EVA1C: variants seen among roughly 807,000 people sequenced by gnomAD.
The protein encoded by EVA1C is eva-1 homolog C.
EVA1C carries 25 observed loss-of-function variants against 45.4 expected under a neutral mutation model. The ratio of observed to expected loss-of-function variants is 0.55; its 90% CI spans 0.40 to 0.77. The LOEUF (loss-of-function observed/expected upper bound fraction) is 0.77. EVA1C is among the 30% of genes least tolerant of loss of function. The pLI, the probability that EVA1C is intolerant of heterozygous loss-of-function variation, is 0.00. For missense variants in EVA1C, 479 were observed against 554.8 expected, an observed-to-expected ratio of 0.86 and a Z score of 1.37; for synonymous variants, 190 against 221.2, an observed-to-expected ratio of 0.86 and a Z score of 1.25.
intron 1 of EVA1C, among the ~76,000 whole-genome samples, chr21:32,423,676 G>A (rs1256263204): frequency 2.6e-5 from 4 of 151,874 alleles, no homozygotes; most frequent in Non-Finnish European, 5.9e-5. Flanking sequence ...TCCGACACCT[G>A]TATCATTTGC....
intron 4 of EVA1C, among the ~76,000 whole-genome samples, chr21:32,483,006 C>T (rs1171253584): frequency 6.6e-6 from 1 of 152,266 alleles, no homozygotes; most frequent in African/African-American, 2.4e-5. Context: ...CAGGCGCACA[C>T]CATCATGCCC....
chr21:32,487,044 A>G (rs1025961516), intron 4 of EVA1C, among the ~76,000 whole-genome samples: 30 of 152,348 alleles, frequency 2.0e-4, no homozygotes, highest in Non-Finnish European at 2.9e-4. Flanking sequence ...CAATCAGAAC[A>G]TCTTTTGTTA....
chr21:32,491,722 AAG>A (rs1193676096), intron 4 of EVA1C, among the ~76,000 whole-genome samples: 1 of 151,352 alleles, frequency 6.6e-6, no homozygotes, highest in East Asian at 1.9e-4. Context: ...GTGGAGGGCA[AAG>A]AGAGAACCAT....
intron 7 of EVA1C, among the ~76,000 whole-genome samples, chr21:32,508,304 G>A (rs907470353): frequency 6.6e-6 from 1 of 152,204 alleles, no homozygotes; most frequent in African/African-American, 2.4e-5. Flanking sequence ...TTGGGACAGT[G>A]ACAGATATGT....
Position 32,502,025 on chromosome 21 carries a change from TTTCTTTCTTTCTTTC to T in EVA1C, c.859+533_859+547del, listed in dbSNP as rs1351060363. ...CTTTCTTTCTTTCTTTCTTTCTTTC[TTTCTTTCTTTCTTTC>T]TTTCTTTCTTTCTTCTTTCTTTCTT... On this transcript the variant is annotated intron_variant, in intron 6 of 7. Transcript: ENST00000300255. Among the ~76,000 whole-genome samples, 33 of 139,476 alleles carry T rather than the reference TTTCTTTCTTTCTTTC, an allele frequency of 2.4e-4. 1 individual carries two copies. Among genetic ancestry groups the T allele is most frequent in the African/African-American group, 8.7e-4 (29 of 33,436 alleles). The allele number at this position is 139,476 out of a possible 152,430, so 91.5% of individuals were successfully genotyped here.
intron 4 of EVA1C, among the ~76,000 whole-genome samples, chr21:32,487,183 T>C (rs1363788621): frequency 6.6e-6 from 1 of 152,138 alleles, no homozygotes; most frequent in Non-Finnish European, 1.5e-5. Context: ...TGAATGAATT[T>C]TGGAAAGCCC....
chr21:32,501,577 G>A (rs1237009302), intron 6 of EVA1C, 82 bp downstream of exon 6: 1 of 1,551,868 alleles, frequency 6.4e-7, no homozygotes, highest in South Asian at 1.2e-5. Context: ...GGCACACCTT[G>A]GTTAGAATGG....
chr21:32,425,968 T>G (rs1415044909), intron 1 of EVA1C, among the ~76,000 whole-genome samples: 4 of 152,090 alleles, frequency 2.6e-5, no homozygotes, highest in African/African-American at 4.8e-5. Flanking sequence ...AACACTTTTT[T>G]TTTTTAAATC....
At chr21:32,453,922 C>T (rs989817256) in intron 2 of EVA1C, among the ~76,000 whole-genome samples, 4 of 152,250 alleles carry the variant, frequency 2.6e-5, no homozygotes, top group Admixed American at 2.0e-4. Context: ...GAAGTCATGA[C>T]CAACTTTTTA....
At chr21:32,508,774 T>A (rs1318897082) in intron 7 of EVA1C, among the ~76,000 whole-genome samples, 1 of 152,208 alleles carries the variant, frequency 6.6e-6, no homozygotes, top group South Asian at 2.1e-4. Flanking sequence ...GTGTCTTATC[T>A]GGACACGAAT....
At chr21:32,496,305 G>A (rs2037351119) in intron 5 of EVA1C, among the ~76,000 whole-genome samples, 1 of 152,128 alleles carries the variant, frequency 6.6e-6, no homozygotes, top group Non-Finnish European at 1.5e-5. Flanking sequence ...TTCAAGGTTC[G>A]TACATGTTGT....
chr21:32,439,758 G>C (rs1222974601), intron 1 of EVA1C, among the ~76,000 whole-genome samples: 2 of 152,050 alleles, frequency 1.3e-5, no homozygotes, highest in African/African-American at 4.8e-5. Flanking sequence ...CAAGTGTACA[G>C]TAAACCTGTC....
At chr21:32,414,128 A>G (rs1418678745) in intron 1 of EVA1C, among the ~76,000 whole-genome samples, 1 of 152,242 alleles carries the variant, frequency 6.6e-6, no homozygotes, top group East Asian at 1.9e-4. Context: ...CCCTTAGGTC[A>G]GAGGTTCTTT....
At chr21:32,486,320 T>G (rs1461135690) in intron 4 of EVA1C, among the ~76,000 whole-genome samples, 2 of 152,168 alleles carry the variant, frequency 1.3e-5, no homozygotes, top group Non-Finnish European at 2.9e-5. Context: ...GATGGGGGTT[T>G]CAACATGTTG....
rs537674874 is a variant in EVA1C, at chr21:32,503,668, CCAG to C, written c.860-255_860-253del. 3.2e-3 allele frequency among the ~76,000 whole-genome samples: 492 copies of C among 152,256 alleles called. 3 individuals are homozygous for C. The highest frequency in any genetic ancestry group is 0.011 in the African/African-American group (460 of 41,546). On this transcript the variant is annotated intron_variant, in intron 6 of 7. Coordinates refer to ENST00000300255, the MANE Select transcript of EVA1C (RefSeq NM_058187.5). ...TTCCCTTCCACAGTGGAGTGGAAGA[CCAG>C]CACCTGAAGTTGGAACCAACACTTA...
At chr21:32,415,659 C>G (rs2034008116) in intron 1 of EVA1C, among the ~76,000 whole-genome samples, 1 of 152,068 alleles carries the variant, frequency 6.6e-6, no homozygotes, top group African/African-American at 2.4e-5. Context: ...GCCCCCTCCT[C>G]CTCCCTGTCC....
intron 1 of EVA1C, among the ~76,000 whole-genome samples, chr21:32,440,672 A>G (rs974404877): frequency 6.6e-6 from 1 of 152,204 alleles, no homozygotes; most frequent in Non-Finnish European, 1.5e-5. Context: ...TGTGTGTAGC[A>G]TATCACACAG....
At chr21:32,457,574 C>A in intron 2 of EVA1C, 23 bp from the exon 3 acceptor site, 1 of 1,613,950 alleles carries the variant, frequency 6.2e-7, no homozygotes, top group East Asian at 2.2e-5. Context: ...CAAGCCTGTC[C>A]CTTTTCTACC....
rs189040457 is a variant in EVA1C at position 32,510,937 on chromosome 21, G to A, written c.950-3877G>A. Among the ~76,000 whole-genome samples the A allele has an allele frequency of 5.3e-5, 8 of 152,300 alleles. No individual in the cohort carries two copies. The East Asian group carries it at 1.5e-3, about 29-fold the overall frequency. The stretch of plus-strand genomic sequence containing the variant: ...TGCCTGTAGTCCCAGCTTCTAAGGA[G>A]GCTGAGGTGAGAAGATTGTTTGAGC... On this transcript the variant is annotated intron_variant, in intron 7 of 7. Transcript: ENST00000300255.
Sources: gnomAD v4.1 joint callset for allele counts (sites outside exome capture counted in the v4.1 genomes callset) on GRCh38, gnomAD v4.1.1 for gene constraint, MANE v1.5 for transcripts, NCBI Gene and HGNC (gene_info 2026-07-23, HGNC 2026-07-21) for gene names.